PDE11A: variants seen among roughly 807,000 people sequenced by gnomAD.
PDE11A encodes the protein phosphodiesterase 11A.
PDE11A carries 100 observed loss-of-function variants against 100.5 expected under a neutral mutation model. The ratio of observed to expected loss-of-function variants is 1.00; its 90% CI spans 0.85 to 1.18. The LOEUF is 1.18. PDE11A is among the 50% of genes most tolerant of loss of function. The pLI is 0.00. For missense variants in PDE11A, 1,141 were observed against 1,152.6 expected (o/e 0.99, Z 0.15); for synonymous variants, 381 against 420.8 (o/e 0.91, Z 1.16).
chr2:177,636,772 T>C (rs1464975855), intron 19 of PDE11A, among the ~76,000 whole-genome samples: 1 of 152,022 alleles, frequency 6.6e-6, no homozygotes, highest in East Asian at 1.9e-4. Context: ...GCCAGTAGCA[T>C]CCCTCCCCAA....
intron 9 of PDE11A, among the ~76,000 whole-genome samples, chr2:177,794,727 G>A (rs531974097): frequency 2.6e-5 from 4 of 152,026 alleles, no homozygotes; most frequent in Admixed American, 1.3e-4. Flanking sequence ...CAACACACCC[G>A]ACAAACGAAT....
intron 2 of PDE11A, among the ~76,000 whole-genome samples, chr2:177,947,265 G>T (rs1167260290): frequency 1.4e-4 from 20 of 139,182 alleles, no homozygotes; most frequent in Non-Finnish European, 2.4e-4. Context: ...TCTGGGAGGT[G>T]TGCCCAACAG....
At chr2:177,882,264 T>C (rs2084355506) in intron 4 of PDE11A, among the ~76,000 whole-genome samples, 1 of 152,178 alleles carries the variant, frequency 6.6e-6, no homozygotes. Context: ...GAAAATATAA[T>C]GCATTCAAAG....
At chr2:178,082,620 T>A (rs1394502101) in intron 2 of PDE11A, among the ~76,000 whole-genome samples, 3 of 152,208 alleles carry the variant, frequency 2.0e-5, no homozygotes, top group Non-Finnish European at 4.4e-5. Flanking sequence ...GAGTCATGAA[T>A]ATTTATGAAA....
intron 2 of PDE11A, 132 bp downstream of exon 2, chr2:178,014,170 C>A: frequency 2.9e-6 from 2 of 687,410 alleles, no homozygotes; most frequent in South Asian, 1.7e-5. Context: ...TTTTGTATAC[C>A]ATGAGAAAAA....
chr2:177,769,382 G>T lies in PDE11A; in HGVS notation c.1738-9C>A. 6.5e-7 allele frequency: 1 copy of T among 1,535,528 alleles called. No individual in the cohort carries two copies. Among genetic ancestry groups the T allele is most frequent in the Non-Finnish European group, 9.0e-7 (1 of 1,110,508 alleles). ...GCATGGTATGATAGCACCTGATTCA[G>T]AAGAAAAAAAAATAATTTTAATAAC... On this transcript the variant is annotated splice_polypyrimidine_tract_variant and intron_variant, in intron 9 of 19. Coordinates refer to ENST00000286063, the MANE Select transcript of PDE11A (RefSeq NM_016953.4).
intron 2 of PDE11A, among the ~76,000 whole-genome samples, chr2:178,007,863 A>T (rs1356666058): frequency 1.3e-5 from 2 of 151,934 alleles, no homozygotes; most frequent in Non-Finnish European, 2.9e-5. Context: ...TGCCACCACA[A>T]CTGGCTAAAT....
chr2:177,989,964 G>T (rs1394504990), intron 2 of PDE11A, among the ~76,000 whole-genome samples: 1 of 152,148 alleles, frequency 6.6e-6, no homozygotes, highest in Non-Finnish European at 1.5e-5. Flanking sequence ...AAACAAGATG[G>T]AAATGAAGGG....
chr2:177,631,322 A>AC (rs1553528992), intron 19 of PDE11A, among the ~76,000 whole-genome samples: 239 of 16,794 alleles, frequency 0.014, 6 homozygotes, highest in South Asian at 0.061. Context: ...AAAAAAAAAA[A>AC]CAACCTAGGC....
chr2:177,965,232 C>T (rs2085683972), intron 2 of PDE11A, among the ~76,000 whole-genome samples: 1 of 152,036 alleles, frequency 6.6e-6, no homozygotes, highest in African/African-American at 2.4e-5. Flanking sequence ...TTTTTGCTTG[C>T]TAATTTGTTT....
intron 4 of PDE11A, among the ~76,000 whole-genome samples, chr2:177,876,665 T>C (rs2084246516): frequency 6.7e-6 from 1 of 148,296 alleles, no homozygotes; most frequent in South Asian, 2.1e-4. Flanking sequence ...ACTCAGTCTA[T>C]AGATGAGGAA....
chr2:177,697,228 A>C, intron 15 of PDE11A, 104 bp downstream of exon 15: 3 of 738,220 alleles, frequency 4.1e-6, no homozygotes, highest in Non-Finnish European at 5.0e-6. Flanking sequence ...TGGTTTACAC[A>C]TTGATATCAA....
chr2:178,029,535 T>C (rs1431677947), intron 1 of PDE11A, among the ~76,000 whole-genome samples: 1 of 151,894 alleles, frequency 6.6e-6, no homozygotes, highest in Non-Finnish European at 1.5e-5. Flanking sequence ...GGTTCTGTTG[T>C]AAATGCTTAC....
chr2:177,631,480 CAAAAAAAAAAAAAAAAAAAAA>C (rs539411793), intron 19 of PDE11A, among the ~76,000 whole-genome samples: 3 of 8,164 alleles, frequency 3.7e-4, no homozygotes, highest in Admixed American at 6.0e-3. Flanking sequence ...GACTCTATCT[CAAAAAAAAAAAAAAAAAAAAA>C]AAAAAAAAAA....
intron 1 of PDE11A, among the ~76,000 whole-genome samples, chr2:178,022,183 G>T (rs573863252): frequency 6.6e-6 from 1 of 152,264 alleles, no homozygotes; most frequent in South Asian, 2.1e-4. Context: ...AGGAGTGGTG[G>T]AAAATGGACT....
chr2:177,924,198 C>T (rs1334991446), intron 2 of PDE11A, among the ~76,000 whole-genome samples: 1 of 152,120 alleles, frequency 6.6e-6, no homozygotes, highest in Non-Finnish European at 1.5e-5. Flanking sequence ...TTCTTGTCTT[C>T]ACTTACTCAA....
At chr2:177,727,262 G>A (rs1053654303) in intron 12 of PDE11A, among the ~76,000 whole-genome samples, 3 of 151,982 alleles carry the variant, frequency 2.0e-5, no homozygotes, top group Non-Finnish European at 4.4e-5. Flanking sequence ...ATATTCCTGC[G>A]GGTGATGTTC....
chr2:177,828,572 G>C (rs2083262561), intron 6 of PDE11A, among the ~76,000 whole-genome samples: 1 of 152,186 alleles, frequency 6.6e-6, no homozygotes, highest in Admixed American at 6.5e-5. Flanking sequence ...AAGGGTATCA[G>C]GCCTTACTGT....
chr2:177,943,864 C>T (rs1347037886), intron 2 of PDE11A, among the ~76,000 whole-genome samples: 4 of 152,146 alleles, frequency 2.6e-5, no homozygotes. Flanking sequence ...TTGGGTCTTA[C>T]ACTTAGGTCT....
Sources: gnomAD v4.1 joint callset for allele counts (sites outside exome capture counted in the v4.1 genomes callset) on GRCh38, gnomAD v4.1.1 for gene constraint, MANE v1.5 for transcripts, NCBI Gene and HGNC (gene_info 2026-07-23, HGNC 2026-07-21) for gene names.